Variants in IGSF8 observed in about 807,000 individuals in gnomAD.
The protein encoded by IGSF8 is CD81 partner 3.
A neutral mutation model predicts 55.5 loss-of-function variants in IGSF8; 46 were observed. The ratio of observed to expected loss-of-function variants is 0.83; its 90% CI spans 0.65 to 1.06. IGSF8 has a LOEUF of 1.06. IGSF8 is among the 50% of genes least tolerant of loss of function. IGSF8 has a pLI of 0.00. For synonymous variants in IGSF8, 314 were observed against 356.1 expected (o/e 0.88, Z 1.33); for missense variants, 731 against 832.3 (o/e 0.88, Z 1.50).
rs939372277 is a variant in IGSF8, at chr1:160,092,647, C to A, written c.1361G>T (p.Arg454Leu). Residue 454 changes from arginine to leucine, a missense_variant, in exon 5 of 7, where the codon CGC becomes CTC. Arg to Leu is a moderately radical substitution (Grantham distance 102). Coordinates refer to ENST00000314485, the MANE Select transcript of IGSF8 (RefSeq NM_052868.6). ...VAWLAGGTVY[R>L]GETASLLCNI... ...GCACAGCAGGGAGGCAGTCTCCCCG[C>A]GGTACACTGTGCCTCCTGCTAGCCA... is the stretch of plus-strand genomic sequence containing the variant. 6 of 1,601,676 alleles carry A rather than the reference C, an allele frequency of 3.7e-6. No homozygotes were observed. Among genetic ancestry groups the A allele is most frequent in the African/African-American group, 2.7e-5 (2 of 74,944 alleles).
At chr1:160,093,684 C>T (rs368813075) in intron 3 of IGSF8, 26 bp downstream of exon 3, 5 of 1,560,164 alleles carry the variant, frequency 3.2e-6, no homozygotes, top group Non-Finnish European at 4.4e-6. Context: ...CCAGCTCCCA[C>T]AGTGGGATGT....
chr1:160,092,448 C>G lies in IGSF8; in HGVS notation c.1560G>C (p.Glu520Asp), dbSNP rs1289721555. 19 of 1,612,690 alleles carry G rather than the reference C, an allele frequency of 1.2e-5. No homozygotes were observed. Among genetic ancestry groups the G allele is most frequent in the Non-Finnish European group, 1.6e-5 (19 of 1,179,226 alleles). Reference protein sequence around the residue: ...VRPGGGPVSVELVGPRSHRLR... With the variant: ...VRPGGGPVSVDLVGPRSHRLR... ...GCCGATGGCTTCGGGGCCCCACCAG[C>G]TCTACGCTGACAGGGCCTCCTCCAG... Residue 520 changes from glutamate (E) to aspartate (D), a missense_variant, in exon 5 of 7, where the codon GAG becomes GAC. Physicochemically the swap from Glu to Asp is conservative, Grantham distance 45. Coordinates refer to ENST00000314485, the MANE Select transcript of IGSF8 (RefSeq NM_052868.6).
chr1:160,092,759 GC>G, intron 4 of IGSF8, 64 bp from the exon 5 acceptor site: 1 of 1,543,684 alleles, frequency 6.5e-7, no homozygotes, highest in Non-Finnish European at 8.8e-7. Context: ...TAGGGCTGCC[GC>G]CAAGCACCGC....
Position 160,093,237 on chromosome 1 carries a change from G to A in IGSF8, c.999C>T (p.Pro333=), listed in dbSNP as rs754609675. 3 of 1,614,068 alleles carry A rather than the reference G, an allele frequency of 1.9e-6. No homozygotes were observed. Among genetic ancestry groups the A allele is most frequent in the Non-Finnish European group, 8.5e-7 (1 of 1,179,954 alleles). The change falls in exon 4 of 7, where the codon CCC becomes CCT. Residue 333 remains proline, a synonymous_variant. Coordinates refer to ENST00000314485, the MANE Select transcript of IGSF8 (RefSeq NM_052868.6). The part of the protein sequence containing the change: ...ELLCNVSGAL[P]PAGRHAAYSV... ...AGTATGCAGCATGACGGCCTGCTGG[G>A]GGAAGTGCCCCTGACACATTGCACA...
chr1:160,092,562 C>G lies in IGSF8; in HGVS notation c.1446G>C (p.Glu482Asp). Residue 482 changes from glutamate (E) to aspartate (D), a missense_variant, in exon 5 of 7, where the codon GAG (glutamate) becomes GAC (aspartate). Physicochemically the swap from Glu to Asp is conservative, Grantham distance 45. Coordinates refer to ENST00000314485, the MANE Select transcript of IGSF8 (RefSeq NM_052868.6). ...GLRLAASWWV[E>D]RPEDGELSSV... ...AGCTGAGCTCTCCGTCCTCTGGTCG[C>G]TCCACCCACCAGCTGGCGGCCAGCC... The G allele has an allele frequency of 1.9e-6, 3 of 1,610,674 alleles. No homozygotes were observed. The highest frequency in any genetic ancestry group is 2.5e-6 in the Non-Finnish European group (3 of 1,179,640).
chr1:160,092,587 C>T lies in IGSF8; in HGVS notation c.1421G>A (p.Arg474Gln), dbSNP rs761608878. The T allele has an allele frequency of 3.7e-5, 60 of 1,608,770 alleles. 1 individual carries two copies. The highest frequency in any genetic ancestry group is 6.7e-5 in the East Asian group (3 of 44,890). The change falls in exon 5 of 7, where the codon CGG becomes CAG. Residue 474 changes from arginine (R) to glutamine (Q), a missense_variant. By Grantham distance (43) the Arg-to-Gln change is conservative. Transcript: ENST00000314485. ...ISVRGGPPGL[R>Q]LAASWWVERP... Reference sequence around the variant, plus strand: ...CTCCACCCACCAGCTGGCGGCCAGCCGCAGTCCTGGGGGGCCACCCCGCAC... The same window carrying T: ...CTCCACCCACCAGCTGGCGGCCAGCTGCAGTCCTGGGGGGCCACCCCGCAC...
Position 160,092,645 on chromosome 1 carries a change from C to G in IGSF8, c.1363G>C (p.Gly455Arg), listed in dbSNP as rs1460814489. Residue 455 changes from glycine to arginine, a missense_variant, in exon 5 of 7, where the codon GGG becomes CGG. Transcript: ENST00000314485. ...TTGCACAGCAGGGAGGCAGTCTCCCCGCGGTACACTGTGCCTCCTGCTAGC... is the reference window on the plus strand; with the variant it reads ...TTGCACAGCAGGGAGGCAGTCTCCCGGCGGTACACTGTGCCTCCTGCTAGC... ...AWLAGGTVYR[G>R]ETASLLCNIS... is the part of the protein sequence containing the mutation. The G allele has an allele frequency of 6.2e-6, 10 of 1,601,888 alleles. No individual in the cohort carries two copies. The highest frequency in any genetic ancestry group is 8.5e-6 in the Non-Finnish European group (10 of 1,179,906).
intron 5 of IGSF8, 129 bp from the exon 6 acceptor site, chr1:160,092,067 ACAGCCTGCCCCCT>A: frequency 1.2e-6 from 1 of 807,394 alleles, no homozygotes; most frequent in East Asian, 2.6e-5. Context: ...ATCCCTGCCC[ACAGCCTGCCCCCT>A]CAGCATGCAA....
chr1:160,095,781 C>T (rs1010549867), intron 1 of IGSF8, among the ~76,000 whole-genome samples: 7 of 152,238 alleles, frequency 4.6e-5, no homozygotes, highest in Non-Finnish European at 1.0e-4. Context: ...AGGGCACAGG[C>T]CCAGTCAGTT....
intron 5 of IGSF8, 99 bp downstream of exon 5, chr1:160,092,183 G>T: frequency 3.1e-6 from 4 of 1,281,558 alleles, no homozygotes; most frequent in South Asian, 1.2e-5. Context: ...ATGTGGAGGA[G>T]AGAGATAGTA....
Position 160,098,601 on chromosome 1 carries a change from T to A in IGSF8, c.-129A>T. 1 of 615,974 alleles carries A rather than the reference T, an allele frequency of 1.6e-6. No individual in the cohort carries two copies. Among genetic ancestry groups the A allele is most frequent in the South Asian group, 2.0e-5 (1 of 49,590 alleles). The allele number at this position is 615,974 out of a possible 1,614,324, so 38.2% of individuals were successfully genotyped here. ...CGAGGCGTGGGTGCGCCGAGCGAGCTGAACTGGAGCTGCCGAATCCCCTCC... is the reference window on the plus strand; with the variant it reads ...CGAGGCGTGGGTGCGCCGAGCGAGCAGAACTGGAGCTGCCGAATCCCCTCC... On this transcript the variant is annotated 5_prime_UTR_variant, in exon 1 of 7. Transcript: ENST00000314485.
In IGSF8 at chr1:160,094,055, G is replaced by C. The variant is rs1186308865; in HGVS notation, c.559C>G (p.Leu187Val). The C allele has an allele frequency of 6.2e-7, 1 of 1,613,692 alleles. No individual in the cohort carries two copies. Among genetic ancestry groups the C allele is most frequent in the African/African-American group, 1.3e-5 (1 of 74,944 alleles). The change falls in exon 3 of 7, where the codon CTG becomes GTG. Residue 187 changes from leucine (L) to valine (V), a missense_variant. Leu to Val is a conservative substitution (Grantham distance 32). Coordinates refer to ENST00000314485, the MANE Select transcript of IGSF8 (RefSeq NM_052868.6). This position sits in a 1 kb window ranked among gnomAD's most constrained non-coding sequence, Gnocchi z 4.0. Reference protein sequence around the residue: ...HEGQELALGCLARTSTQKHTH... With the variant: ...HEGQELALGCVARTSTQKHTH... Reference sequence around the variant, plus strand: ...TGCTTCTGTGTGCTTGTCCTCGCCAGGCAGCCCAGTGCCAGCTCCTGCCCC... The same window carrying C: ...TGCTTCTGTGTGCTTGTCCTCGCCACGCAGCCCAGTGCCAGCTCCTGCCCC...
chr1:160,092,785 G>C (rs1330317084), intron 4 of IGSF8, 90 bp from the exon 5 acceptor site: 1 of 1,515,928 alleles, frequency 6.6e-7, no homozygotes, highest in Non-Finnish European at 9.0e-7. Flanking sequence ...GGAAACTCAG[G>C]GTATTCCCAC....
chr1:160,093,120 A>G lies in IGSF8; in HGVS notation c.1116T>C (p.Pro372=). The change falls in exon 4 of 7, where the codon CCT becomes CCC. Residue 372 remains proline (P), a synonymous_variant. Transcript: ENST00000314485. The part of the protein sequence containing the change: ...LDTEGVGSLG[P]GYEGRHIAME... ...TGGCAATGTGTCGGCCCTCATAGCC[A>G]GGGCCCAGGCTGCCCACACCCTCTG... 2.5e-6 allele frequency: 4 copies of G among 1,613,808 alleles called. No homozygotes were observed. The highest frequency in any genetic ancestry group is 1.7e-6 in the Non-Finnish European group (2 of 1,179,744).
In IGSF8 at chr1:160,093,758, T is replaced by C; in HGVS notation, c.856A>G (p.Ile286Val). 6.2e-7 allele frequency: 1 copy of C among 1,613,700 alleles called. No homozygotes were observed. Residue 286 changes from isoleucine (I) to valine (V), a missense_variant, in exon 3 of 7, where the codon ATT becomes GTT. By Grantham distance (29) the Ile-to-Val change is conservative (BLOSUM62 3). Coordinates refer to ENST00000314485, the MANE Select transcript of IGSF8 (RefSeq NM_052868.6). Reference protein sequence around the residue: ...IQDPDGSWAQIAEKRAVLAHV... With the variant: ...IQDPDGSWAQVAEKRAVLAHV... ...GCCAGGACGGCCCTTTTCTCTGCAA[T>C]CTGGGCCCAGCTGCCATCAGGATCC...
chr1:160,095,307 C>A, intron 1 of IGSF8, 61 bp from the exon 2 acceptor site: 1 of 1,482,382 alleles, frequency 6.7e-7, no homozygotes, highest in African/African-American at 1.4e-5. Flanking sequence ...CCCTCTGCCG[C>A]CACAAGCACC....
chr1:160,095,369 C>T, intron 1 of IGSF8, 123 bp from the exon 2 acceptor site: 1 of 964,208 alleles, frequency 1.0e-6, no homozygotes, highest in Non-Finnish European at 1.5e-6. Context: ...AGCTTGTCCA[C>T]AGCTTGGACC....
At position 160,095,342 on chromosome 1, in the gene IGSF8, G is replaced by A. The variant is rs1342350595; in HGVS notation, c.65-96C>T. The A allele has an allele frequency of 3.9e-5, 50 of 1,280,256 alleles. No homozygotes were observed. In the East Asian group the frequency reaches 1.2e-3, roughly 30 times the overall value. 79.3% of individuals were successfully genotyped at this position (1,280,256 alleles called of 1,614,324 possible). On this transcript the variant is annotated intron_variant, in intron 1 of 6. Transcript: ENST00000314485. ...CATTCTTGATCTCTGCCTACAAAAGGAAAGGAGACCTGGGAAAGCTTGTCC... is the reference window on the plus strand; with the variant it reads ...CATTCTTGATCTCTGCCTACAAAAGAAAAGGAGACCTGGGAAAGCTTGTCC...
In IGSF8 at chr1:160,094,897, G is replaced by A; in HGVS notation, c.414C>T (p.Gly138=). Residue 138 remains glycine, a synonymous_variant, in exon 2 of 7, where the codon GGC becomes GGT. Coordinates refer to ENST00000314485, the MANE Select transcript of IGSF8 (RefSeq NM_052868.6). This position sits in a 1 kb window ranked among gnomAD's most constrained non-coding sequence, Gnocchi z 4.0. ...TCAGCTCCACCTTGCCGCTGTAGCT[G>A]CCCAGGTAGCGGGTATCAGTGGAGG... is the stretch of plus-strand genomic sequence containing the variant. ...HTPSTDTRYL[G]SYSGKVELRV... is the part of the protein sequence containing the mutation. 1 of 1,613,534 alleles carries A rather than the reference G, an allele frequency of 6.2e-7. No individual in the cohort carries two copies. The highest frequency in any genetic ancestry group is 8.5e-7 in the Non-Finnish European group (1 of 1,179,638).
Sources: gnomAD v4.1 joint callset for allele counts (sites outside exome capture counted in the v4.1 genomes callset) on GRCh38, gnomAD v4.1.1 for gene constraint, Gnocchi (gnomAD v3.1) non-coding constraint, MANE v1.5 for transcripts, NCBI Gene and HGNC (gene_info 2026-07-23, HGNC 2026-07-21) for gene names.